The following SLC18A1 variants were observed in gnomAD, a reference collection of about 807,000 sequenced individuals.
SLC18A1 encodes the protein solute carrier family 18 member A1, also known as chromaffin granule amine transporter.
SLC18A1 carries 69 observed loss-of-function variants against 53.7 expected under a neutral mutation model. That is an observed-to-expected ratio of 1.28 (90% CI 1.06 to 1.57). The LOEUF (loss-of-function observed/expected upper bound fraction) is 1.57, where lower values mean the gene tolerates loss of function less well. Ranked by LOEUF, SLC18A1 falls within the 40% of genes most tolerant of loss-of-function variation. The pLI, the probability that SLC18A1 is intolerant of heterozygous loss-of-function variation, is 0.00. For synonymous variants in SLC18A1, 320 were observed against 248.1 expected (o/e 1.29, Z -2.72); for missense variants, 932 against 668.1 (o/e 1.40, Z -4.35).
chr8:20,181,132 A>G, intron 1 of SLC18A1, 45 bp from the exon 2 acceptor site: 1 of 619,578 alleles, frequency 1.6e-6, no homozygotes, highest in Non-Finnish European at 2.7e-6. Context: ...GTAGGATGAT[A>G]TTTGGAAACA....
At position 20,145,400 on chromosome 8, in the gene SLC18A1, G is replaced by C. The variant is rs1426692891; in HGVS notation, c.*363C>G. 1 of 164,288 alleles carries C rather than the reference G, an allele frequency of 6.1e-6. No homozygotes were observed. The highest frequency in any genetic ancestry group is 1.3e-5 in the Non-Finnish European group (1 of 76,376). The allele number at this position is 164,288 out of a possible 1,614,324, so 10.2% of individuals were successfully genotyped here. ...AGAGAAAATCAGGCAACAGATTAAA[G>C]AGGCTTGTCAGTCACCCCACTGGTT... On this transcript the variant is annotated 3_prime_UTR_variant, in exon 16 of 16. Coordinates refer to ENST00000276373, the MANE Select transcript of SLC18A1 (RefSeq NM_003053.4).
In SLC18A1 at chr8:20,179,154, A is replaced by C. The variant is rs779937173; in HGVS notation, c.455T>G (p.Leu152Arg). 2 of 1,613,740 alleles carry C rather than the reference A, an allele frequency of 1.2e-6. No homozygotes were observed. Among genetic ancestry groups the C allele is most frequent in the Non-Finnish European group, 1.7e-6 (2 of 1,179,788 alleles). ...LFASKAVMQL[L>R]VNPFVGPLTN... is the part of the protein sequence containing the mutation. ...GAGAGGGCCCACGAATGGGTTGACC[A>C]GAAGTTGCATCACAGCCTTTGAAGC... The change falls in exon 3 of 16, where the codon CTG (leucine) becomes CGG (arginine). Residue 152 changes from leucine to arginine, a missense_variant. Transcript: ENST00000276373.
chr8:20,179,235 C>A lies in SLC18A1; in HGVS notation c.374G>T (p.Cys125Phe). 2 of 1,614,178 alleles carry A rather than the reference C, an allele frequency of 1.2e-6. No individual in the cohort carries two copies. Among genetic ancestry groups the A allele is most frequent in the Middle Eastern group, 1.6e-4 (1 of 6,062 alleles). Reference protein sequence around the residue: ...TEAISAHKNNCLQGTGFLEEE... With the variant: ...TEAISAHKNNFLQGTGFLEEE... ...CTCCAAGAAACCTGTGCCTTGCAAG[C>A]AGTTGTTTTTATGAGCTGAGATGGC... is the stretch of plus-strand genomic sequence containing the variant. The change falls in exon 3 of 16, where the codon TGC becomes TTC. Residue 125 changes from cysteine (C) to phenylalanine (F), a missense_variant. Coordinates refer to ENST00000276373, the MANE Select transcript of SLC18A1 (RefSeq NM_003053.4).
At chr8:20,166,304 T>C (rs1585209828) in intron 8 of SLC18A1, among the ~76,000 whole-genome samples, 2 of 95,796 alleles carry the variant, frequency 2.1e-5, no homozygotes, top group Non-Finnish European at 4.4e-5. Flanking sequence ...TATATATATA[T>C]ATATATATAT....
Position 20,181,031 on chromosome 8 carries a change from G to T in SLC18A1, c.-67C>A. The T allele has an allele frequency of 6.6e-7, 1 of 1,520,664 alleles. No homozygotes were observed. Among genetic ancestry groups the T allele is most frequent in the Non-Finnish European group, 8.9e-7 (1 of 1,129,558 alleles). The allele number at this position is 1,520,664 out of a possible 1,614,324, so 94.2% of individuals were successfully genotyped here. A position where few individuals can be genotyped will look rare whatever the true frequency, so the allele number is the denominator to read the frequency against. Reference sequence around the variant, plus strand: ...AGGGAAGGTCCTGTGACAGCTACAGGTCTCCTGCAGCCTTTATGGAAGAGG... The same window carrying T: ...AGGGAAGGTCCTGTGACAGCTACAGTTCTCCTGCAGCCTTTATGGAAGAGG... On this transcript the variant is annotated 5_prime_UTR_variant, in exon 2 of 16. Transcript: ENST00000276373.
At chr8:20,160,184 T>A (rs1000224941) in intron 10 of SLC18A1, among the ~76,000 whole-genome samples, 51 of 151,130 alleles carry the variant, frequency 3.4e-4, no homozygotes, top group African/African-American at 1.2e-3. Flanking sequence ...CAGGTGGCAA[T>A]CTGTTGCAAA....
At chr8:20,174,998 T>C (rs979965389) in intron 4 of SLC18A1, among the ~76,000 whole-genome samples, 3 of 152,210 alleles carry the variant, frequency 2.0e-5, no homozygotes, top group Non-Finnish European at 4.4e-5. Flanking sequence ...AATCAGCAGG[T>C]ATTAAATTAT....
chr8:20,161,918 C>G (rs1447728154), intron 10 of SLC18A1, among the ~76,000 whole-genome samples: 1 of 152,132 alleles, frequency 6.6e-6, no homozygotes, highest in Non-Finnish European at 1.5e-5. Context: ...TGCTGGTGCC[C>G]CTACAGTTCC....
At chr8:20,161,901 G>A (rs896815959) in intron 10 of SLC18A1, among the ~76,000 whole-genome samples, 3 of 152,128 alleles carry the variant, frequency 2.0e-5, no homozygotes, top group East Asian at 1.9e-4. Context: ...GTGCTTGCAG[G>A]CCACCATGCT....
At chr8:20,151,794 CCATTCATT>C (rs145356190) in intron 10 of SLC18A1, among the ~76,000 whole-genome samples, 3 of 151,992 alleles carry the variant, frequency 2.0e-5, no homozygotes, top group African/African-American at 4.8e-5. Context: ...TGAGTCTCTT[CCATTCATT>C]CATTCATTCA....
rs544177993 is a variant in SLC18A1, at chr8:20,174,873, C to T, written c.548-429G>A. Among the ~76,000 whole-genome samples, 15 of 152,272 alleles carry T rather than the reference C, an allele frequency of 9.9e-5. No individual in the cohort carries two copies. The South Asian group carries it at 2.5e-3, about 25-fold the overall frequency. On this transcript the variant is annotated intron_variant, in intron 4 of 15. Coordinates refer to ENST00000276373, the MANE Select transcript of SLC18A1 (RefSeq NM_003053.4). ...GGGTCCCACAGGATCATCTGGAGTA[C>T]AGTGACAGTAAGTAGGTGCTTCGAG... is the stretch of plus-strand genomic sequence containing the variant.
intron 10 of SLC18A1, among the ~76,000 whole-genome samples, chr8:20,158,222 T>C (rs1182263744): frequency 6.6e-6 from 1 of 152,206 alleles, no homozygotes; most frequent in African/African-American, 2.4e-5. Flanking sequence ...CCCTGACAAC[T>C]GTCCTCCAGA....
chr8:20,179,220 C>A lies in SLC18A1; in HGVS notation c.389G>T (p.Gly130Val). 1 of 1,614,174 alleles carries A rather than the reference C, an allele frequency of 6.2e-7. No individual in the cohort carries two copies. The highest frequency in any genetic ancestry group is 8.5e-7 in the Non-Finnish European group (1 of 1,180,028). ...CCGGGTAATCTCTTCCTCCAAGAAA[C>A]CTGTGCCTTGCAAGCAGTTGTTTTT... ...AHKNNCLQGTGFLEEEITRVG... is the reference protein window; with the variant it reads ...AHKNNCLQGTVFLEEEITRVG... Residue 130 changes from glycine (G) to valine (V), a missense_variant, in exon 3 of 16, where the codon GGT becomes GTT. Physicochemically the swap from Gly to Val is moderately radical, Grantham distance 109. Transcript: ENST00000276373.
At chr8:20,151,316 C>G (rs2071549647) in intron 10 of SLC18A1, among the ~76,000 whole-genome samples, 1 of 152,014 alleles carries the variant, frequency 6.6e-6, no homozygotes. Context: ...GTGCTTCCAG[C>G]TCCCCACTTA....
At chr8:20,173,879 A>G (rs2072188226) in intron 5 of SLC18A1, among the ~76,000 whole-genome samples, 1 of 148,758 alleles carries the variant, frequency 6.7e-6, no homozygotes, top group Non-Finnish European at 1.5e-5. Context: ...CCTGTTAGAA[A>G]CTCTGTAATT....
intron 6 of SLC18A1, among the ~76,000 whole-genome samples, chr8:20,172,347 T>TGGGGCATAGGCC (rs771450838): frequency 4.6e-5 from 7 of 152,160 alleles, no homozygotes; most frequent in Non-Finnish European, 1.0e-4. Flanking sequence ...GGCTAGAGGG[T>TGGGGCATAGGCC]GGGGCATAGG....
At position 20,154,799 on chromosome 8, in the gene SLC18A1, C is replaced by T. The variant is rs139779423; in HGVS notation, c.1016-4055G>A. Among the ~76,000 whole-genome samples the T allele has an allele frequency of 8.9e-3, 1,359 of 152,280 alleles. 23 individuals carry two copies. The highest frequency in any genetic ancestry group is 0.031 in the African/African-American group (1,285 of 41,558). ...CTTGCAACTGTACACTCTTCTGGTC[C>T]GTGTTTGTTCTGGCTCGAGCTGAGC... On this transcript the variant is annotated intron_variant, in intron 10 of 15. Transcript: ENST00000276373.
chr8:20,178,121 A>AACACACAC (rs10560327), intron 4 of SLC18A1, among the ~76,000 whole-genome samples: 4,923 of 148,766 alleles, frequency 0.033, 115 homozygotes, highest in African/African-American at 0.062. Flanking sequence ...TGATGCATAT[A>AACACACAC]ACACACACAC....
chr8:20,154,059 A>G (rs1274501612), intron 10 of SLC18A1, among the ~76,000 whole-genome samples: 1 of 152,184 alleles, frequency 6.6e-6, no homozygotes, highest in Non-Finnish European at 1.5e-5. Flanking sequence ...TTGTTAAAAG[A>G]GCTGGGCCTC....
Sources: gnomAD v4.1 joint callset for allele counts (sites outside exome capture counted in the v4.1 genomes callset) on GRCh38, gnomAD v4.1.1 for gene constraint, MANE v1.5 for transcripts, NCBI Gene and HGNC (gene_info 2026-07-23, HGNC 2026-07-21) for gene names.